The following VPS13B variants were observed in gnomAD, a reference collection of about 807,000 sequenced individuals.
The protein encoded by VPS13B is vacuolar protein sorting 13 homolog B.
Under a neutral mutation model 426.4 loss-of-function variants are expected in VPS13B, and 285 were observed. The ratio of observed to expected loss-of-function variants is 0.67; its 90% confidence interval spans 0.61 to 0.74. The LOEUF (loss-of-function observed/expected upper bound fraction) is 0.74, where lower values mean the gene tolerates loss of function less well. Among genes scored for constraint, VPS13B ranks in the 30% least tolerant of loss-of-function variants. The pLI is 0.00. For synonymous variants in VPS13B, 1,676 were observed against 1,676.4 expected, an observed-to-expected ratio of 1.00 and a Z score of 0.01; for missense variants, 4,537 against 4,782.6, an observed-to-expected ratio of 0.95 and a Z score of 1.51.
intron 22 of VPS13B, among the ~76,000 whole-genome samples, chr8:99,439,844 G>T (rs1281861411): frequency 6.6e-6 from 1 of 152,022 alleles, no homozygotes; most frequent in Non-Finnish European, 1.5e-5. Context: ...AGCACTAAAA[G>T]AGAAAAATCT....
intron 31 of VPS13B, among the ~76,000 whole-genome samples, chr8:99,566,406 C>T (rs1486311994): frequency 6.6e-6 from 1 of 151,714 alleles, no homozygotes; most frequent in East Asian, 1.9e-4. Flanking sequence ...TGACCAAAGC[C>T]CTAAATAGCC....
intron 39 of VPS13B, among the ~76,000 whole-genome samples, chr8:99,740,354 A>C (rs1169270373): frequency 1.3e-5 from 2 of 152,230 alleles, no homozygotes; most frequent in African/African-American, 2.4e-5. Context: ...TGACTGGTGT[A>C]CCTAAAAGTG....
chr8:99,206,421 A>T (rs932626874), intron 17 of VPS13B, among the ~76,000 whole-genome samples: 2 of 152,230 alleles, frequency 1.3e-5, no homozygotes, highest in Non-Finnish European at 2.9e-5. Flanking sequence ...CCTCATAAAA[A>T]TGAAATTCAA....
chr8:99,330,082 C>A (rs978986445), intron 19 of VPS13B, among the ~76,000 whole-genome samples: 1 of 151,744 alleles, frequency 6.6e-6, no homozygotes, highest in Non-Finnish European at 1.5e-5. Context: ...ATTTGAGATG[C>A]CTATTTGGAG....
intron 16 of VPS13B, 64 bp downstream of exon 16, chr8:99,170,227 C>G: frequency 6.4e-7 from 1 of 1,569,342 alleles, no homozygotes; most frequent in Non-Finnish European, 8.7e-7. Context: ...GAAAAAACCC[C>G]CAAATGTATC....
chr8:99,407,540 G>A (rs1815395393), intron 21 of VPS13B, among the ~76,000 whole-genome samples: 1 of 152,004 alleles, frequency 6.6e-6, no homozygotes, highest in Non-Finnish European at 1.5e-5. Context: ...GCACAAGTAG[G>A]CACTCAGTTA....
rs1814252615 is a variant in VPS13B at position 99,200,579 on chromosome 8, G to C, written c.2515+7522G>C. Among the ~76,000 whole-genome samples the C allele has an allele frequency of 2.0e-5, 3 of 151,900 alleles. 1 individual carries two copies. In the South Asian group the frequency reaches 6.2e-4, roughly 31 times the overall value. On this transcript the variant is annotated intron_variant, in intron 17 of 61. Coordinates refer to ENST00000357162, the MANE Select transcript of VPS13B (RefSeq NM_152564.5). ...CTCCTCATATTGTTATCTGTCTTTT[G>C]TGTTCCAGCCATCATTGTAGGTGTG...
At chr8:99,861,656 C>G in intron 57 of VPS13B, 120 bp from the exon 58 acceptor site, 1 of 1,316,570 alleles carries the variant, frequency 7.6e-7, no homozygotes, top group Non-Finnish European at 1.1e-6. Context: ...GAGCCACCAT[C>G]ACTTGCCACT....
chr8:99,703,999 G>GC (rs1324750447), intron 36 of VPS13B, among the ~76,000 whole-genome samples: 1 of 152,114 alleles, frequency 6.6e-6, no homozygotes, highest in Non-Finnish European at 1.5e-5. Context: ...ATTGGGGGAA[G>GC]AACCTTAATG....
chr8:99,715,154 C>G (rs1563878232), intron 36 of VPS13B, among the ~76,000 whole-genome samples: 1 of 151,746 alleles, frequency 6.6e-6, no homozygotes. Flanking sequence ...TTCCATCCAG[C>G]CTTTTTATGT....
At chr8:99,432,841 A>C (rs1817185553) in intron 22 of VPS13B, among the ~76,000 whole-genome samples, 2 of 152,166 alleles carry the variant, frequency 1.3e-5, no homozygotes, top group East Asian at 3.9e-4. Context: ...TAGAGTGATA[A>C]AGTATATAAA....
chr8:99,412,546 C>T (rs1815740221), intron 21 of VPS13B, among the ~76,000 whole-genome samples: 1 of 151,976 alleles, frequency 6.6e-6, no homozygotes, highest in Non-Finnish European at 1.5e-5. Flanking sequence ...TGTCTTCCTA[C>T]ATGAATACCC....
intron 33 of VPS13B, among the ~76,000 whole-genome samples, chr8:99,605,957 G>A (rs752482193): frequency 6.6e-5 from 10 of 152,148 alleles, no homozygotes; most frequent in African/African-American, 2.2e-4. Context: ...GTGCAGTGGT[G>A]CAATCTTGGC....
At chr8:99,537,491 C>G (rs960085089) in intron 30 of VPS13B, among the ~76,000 whole-genome samples, 3 of 152,132 alleles carry the variant, frequency 2.0e-5, no homozygotes, top group Admixed American at 6.6e-5. Flanking sequence ...GTTTAACCCT[C>G]AAAGAAGAAA....
At chr8:99,679,351 G>A (rs918871728) in intron 35 of VPS13B, among the ~76,000 whole-genome samples, 3 of 152,122 alleles carry the variant, frequency 2.0e-5, no homozygotes, top group Non-Finnish European at 2.9e-5. Context: ...TATCCCTTAT[G>A]GTTATTACTA....
chr8:99,717,204 TA>T lies in VPS13B; in HGVS notation c.6491del (p.Asn2164ThrfsTer16), dbSNP rs769213420. On this transcript the variant is annotated frameshift_variant, in exon 37 of 62. Coordinates refer to ENST00000357162, the MANE Select transcript of VPS13B (RefSeq NM_152564.5). LOFTEE classifies it high-confidence loss of function. ...CTTGGGTCATCATTTCTACTCAGTA[TA>T]AACGATTTTCTCCTTAAAACAAGTC... ...IILGSSFLLS[I>X]NDFLLKTSLK... The T allele has an allele frequency of 6.2e-7, 1 of 1,613,930 alleles. No homozygotes were observed. Among genetic ancestry groups the T allele is most frequent in the South Asian group, 1.1e-5 (1 of 91,076 alleles).
At chr8:99,683,570 A>G (rs749372259) in intron 35 of VPS13B, among the ~76,000 whole-genome samples, 1 of 152,168 alleles carries the variant, frequency 6.6e-6, no homozygotes. Flanking sequence ...TCCTATGACC[A>G]TTTGATTAGA....
chr8:99,142,062 T>A (rs1810456356), intron 12 of VPS13B, among the ~76,000 whole-genome samples: 1 of 151,868 alleles, frequency 6.6e-6, no homozygotes, highest in African/African-American at 2.4e-5. Context: ...AATAAATAAA[T>A]AAAAATCAAT....
At chr8:99,261,176 G>A (rs562050524) in intron 17 of VPS13B, among the ~76,000 whole-genome samples, 2 of 151,952 alleles carry the variant, frequency 1.3e-5, no homozygotes, top group East Asian at 3.9e-4. Flanking sequence ...TCTTAGTGTT[G>A]TACATTCTAT....
Sources: gnomAD v4.1 joint callset for allele counts (sites outside exome capture counted in the v4.1 genomes callset) on GRCh38, gnomAD v4.1.1 for gene constraint, MANE v1.5 for transcripts, NCBI Gene and HGNC (gene_info 2026-07-23, HGNC 2026-07-21) for gene names.